The following PCDHA13 variants were observed in gnomAD, a reference collection of about 807,000 sequenced individuals.
The protein encoded by PCDHA13 is protocadherin alpha 13, also known as protocadherin alpha-13.
A neutral mutation model predicts 64.8 loss-of-function variants in PCDHA13; 54 were observed. That is an observed-to-expected ratio of 0.83 (90% CI 0.67 to 1.04). PCDHA13 has a LOEUF of 1.04. Ranked by LOEUF, PCDHA13 falls within the 50% of genes least tolerant of loss-of-function variation. The probability of loss-of-function intolerance (pLI) is 0.00; values close to 1 mark genes in which losing one functional copy is unlikely to be tolerated. For missense variants in PCDHA13, 1,248 were observed against 1,254.3 expected, an observed-to-expected ratio of 0.99 and a Z score of 0.08; for synonymous variants, 587 against 564.4, an observed-to-expected ratio of 1.04 and a Z score of -0.57.
chr5:140,942,633 G>T (rs1554215141), intron 1 of PCDHA13, among the ~76,000 whole-genome samples: 1 of 151,380 alleles, frequency 6.6e-6, no homozygotes, highest in Non-Finnish European at 1.5e-5. Context: ...AAAAAAAATG[G>T]CAAAAGAGAT....
intron 3 of PCDHA13, among the ~76,000 whole-genome samples, chr5:140,997,593 G>T (rs2097775607): frequency 6.6e-6 from 1 of 152,072 alleles, no homozygotes. Context: ...ACTGAAACAT[G>T]ATTATGGGGC....
At chr5:140,969,464 C>T in intron 1 of PCDHA13, 2 of 1,491,562 alleles carry the variant, frequency 1.3e-6, no homozygotes, top group South Asian at 2.7e-5. Context: ...ATATAGTATC[C>T]ACAATTTGAT....
chr5:140,962,087 A>G (rs1284028102), intron 1 of PCDHA13, among the ~76,000 whole-genome samples: 10 of 151,912 alleles, frequency 6.6e-5, no homozygotes, highest in Non-Finnish European at 1.3e-4. Flanking sequence ...GGGTTTCACC[A>G]TGTTAGCCAG....
chr5:140,883,991 G>C lies in PCDHA13; in HGVS notation c.1723G>C (p.Gly575Arg). ...GACGCCCGGGGCTGGCAGCGCGGGAGGCACAGTGAGCGAGCTGATGCCGCG... is the reference window on the plus strand; with the variant it reads ...GACGCCCGGGGCTGGCAGCGCGGGACGCACAGTGAGCGAGCTGATGCCGCG... ...LLTPGAGSAG[G>R]TVSELMPRSV... is the part of the protein sequence containing the mutation. The change falls in exon 1 of 4, where the codon GGC becomes CGC. Residue 575 changes from glycine (G) to arginine (R), a missense_variant. Transcript: ENST00000289272. 6.2e-7 allele frequency: 1 copy of C among 1,612,972 alleles called. No individual in the cohort carries two copies. Among genetic ancestry groups the C allele is most frequent in the South Asian group, 1.1e-5 (1 of 91,020 alleles).
At position 140,882,681 on chromosome 5, in the gene PCDHA13, A is replaced by G; in HGVS notation, c.413A>G (p.Lys138Arg). 1 of 1,614,176 alleles carries G rather than the reference A, an allele frequency of 6.2e-7. No homozygotes were observed. Among genetic ancestry groups the G allele is most frequent in the Non-Finnish European group, 8.5e-7 (1 of 1,180,030 alleles). ...DNPPIFPESK[K>R]RIIIAESRPP... The stretch of plus-strand genomic sequence containing the variant: ...CCGCCCATATTCCCTGAAAGCAAGA[A>G]ACGAATAATCATTGCAGAATCTAGA... The change falls in exon 1 of 4, where the codon AAA (lysine) becomes AGA (arginine). Residue 138 changes from lysine (K) to arginine (R), a missense_variant. Coordinates refer to ENST00000289272, the MANE Select transcript of PCDHA13 (RefSeq NM_018904.3).
At chr5:140,991,180 C>T (rs2097436577) in intron 3 of PCDHA13, among the ~76,000 whole-genome samples, 1 of 152,160 alleles carries the variant, frequency 6.6e-6, no homozygotes. Context: ...AAGCAGGATG[C>T]CTAGCACACA....
intron 3 of PCDHA13, among the ~76,000 whole-genome samples, chr5:140,995,110 C>T (rs1047046754): frequency 4.6e-5 from 7 of 152,198 alleles, no homozygotes; most frequent in Non-Finnish European, 7.3e-5. Flanking sequence ...TTCCAAGACC[C>T]TCAGTGGATG....
intron 1 of PCDHA13, among the ~76,000 whole-genome samples, chr5:140,899,649 G>T (rs1405894081): frequency 6.6e-6 from 1 of 152,130 alleles, no homozygotes; most frequent in Non-Finnish European, 1.5e-5. Flanking sequence ...CTCTTATTTG[G>T]TTGTGTCTCT....
At chr5:141,008,843 G>A (rs1474787733) in intron 3 of PCDHA13, among the ~76,000 whole-genome samples, 7 of 152,114 alleles carry the variant, frequency 4.6e-5, no homozygotes, top group Non-Finnish European at 1.0e-4. Context: ...CTTACGCTGT[G>A]TATTCCCATC....
chr5:140,906,193 AAGTTGACACTC>A (rs1337204998), intron 1 of PCDHA13, among the ~76,000 whole-genome samples: 4 of 152,140 alleles, frequency 2.6e-5, no homozygotes, highest in African/African-American at 9.7e-5. Context: ...CAATCCAATC[AAGTTGACACTC>A]AGTATTAACC....
rs782045843 is a variant in PCDHA13 at position 140,884,051 on chromosome 5, C to A, written c.1783C>A (p.Arg595Ser). ...VGAGHVVAKV[R>S]AVDADSGYNA... Reference sequence around the variant, plus strand: ...TGCAGGCCACGTGGTGGCGAAGGTGCGCGCGGTGGACGCCGATTCGGGCTA... The same window carrying A: ...TGCAGGCCACGTGGTGGCGAAGGTGAGCGCGGTGGACGCCGATTCGGGCTA... Residue 595 changes from arginine (R) to serine (S), a missense_variant, in exon 1 of 4, where the codon CGC becomes AGC. Physicochemically the swap from Arg to Ser is moderately radical, Grantham distance 110. Coordinates refer to ENST00000289272, the MANE Select transcript of PCDHA13 (RefSeq NM_018904.3). The A allele has an allele frequency of 9.3e-6, 15 of 1,613,426 alleles. No homozygotes were observed. In the South Asian group the frequency reaches 1.6e-4, roughly 18 times the overall value.
chr5:140,928,973 T>G (rs782178426), intron 1 of PCDHA13: 3 of 1,613,958 alleles, frequency 1.9e-6, no homozygotes, highest in Non-Finnish European at 2.5e-6. Flanking sequence ...ATTTCCTTTT[T>G]ATTTCTGGGG....
chr5:140,906,761 A>G (rs896512633), intron 1 of PCDHA13, among the ~76,000 whole-genome samples: 2 of 152,204 alleles, frequency 1.3e-5, no homozygotes, highest in Non-Finnish European at 2.9e-5. Flanking sequence ...GGTAATACTA[A>G]GAGACACCCT....
chr5:140,923,865 A>G (rs1422887617), intron 1 of PCDHA13, among the ~76,000 whole-genome samples: 1 of 152,226 alleles, frequency 6.6e-6, no homozygotes, highest in Non-Finnish European at 1.5e-5. Flanking sequence ...GGGAAGCCAA[A>G]AATCTGAGAA....
chr5:140,946,019 C>CA (rs1222084270), intron 1 of PCDHA13, among the ~76,000 whole-genome samples: 3 of 151,732 alleles, frequency 2.0e-5, no homozygotes, highest in Non-Finnish European at 4.4e-5. Flanking sequence ...TCCTGCGCAG[C>CA]AAAGAAAACA....
intron 1 of PCDHA13, among the ~76,000 whole-genome samples, chr5:140,972,062 A>G (rs1398109338): frequency 6.6e-6 from 1 of 152,246 alleles, no homozygotes; most frequent in Admixed American, 6.5e-5. Flanking sequence ...AGTCGTATAT[A>G]TTAACTGCTT....
At chr5:140,897,772 C>T (rs1393087365) in intron 1 of PCDHA13, among the ~76,000 whole-genome samples, 2 of 152,192 alleles carry the variant, frequency 1.3e-5, no homozygotes, top group Non-Finnish European at 2.9e-5. Context: ...ACACTGACTT[C>T]CACAATGGTT....
intron 1 of PCDHA13, among the ~76,000 whole-genome samples, chr5:140,973,282 C>T (rs1554235080): frequency 2.6e-5 from 4 of 152,148 alleles, no homozygotes; most frequent in African/African-American, 7.2e-5. Context: ...TCCCCCAGCA[C>T]TGATTTTTCT....
At chr5:140,887,661 T>A (rs1322494406) in intron 1 of PCDHA13, among the ~76,000 whole-genome samples, 1 of 152,170 alleles carries the variant, frequency 6.6e-6, no homozygotes, top group African/African-American at 2.4e-5. Context: ...CTTGGATCTG[T>A]GGATTTATCA....
Sources: allele counts gnomAD v4.1 joint callset (sites outside exome capture counted in the v4.1 genomes callset), GRCh38; gene constraint gnomAD v4.1.1; transcripts MANE v1.5; gene names NCBI Gene and HGNC (gene_info 2026-07-23, HGNC 2026-07-21).